Variants in NRXN1 observed in about 807,000 individuals in gnomAD.
NRXN1 encodes neurexin 1, also known as neurexin-1.
NRXN1 carries 39 observed loss-of-function variants against 150.9 expected under a neutral mutation model. The observed-to-expected ratio is 0.26, with a 90% CI of 0.20 to 0.34. The LOEUF is 0.34. NRXN1 is among the 10% of genes least tolerant of loss of function. The probability of loss-of-function intolerance (pLI) is 1.00; values close to 1 mark genes in which losing one functional copy is unlikely to be tolerated. For synonymous variants in NRXN1, 924 were observed against 757.0 expected, an observed-to-expected ratio of 1.22 and a Z score of -3.62; for missense variants, 1,815 against 1,949.9, an observed-to-expected ratio of 0.93 and a Z score of 1.30.
At position 50,347,865 on chromosome 2, in the gene NRXN1, A is replaced by G. The variant is rs2078157144; in HGVS notation, c.3365-110895T>C. The G allele has an allele frequency of 3.0e-6, 3 of 985,114 alleles. No homozygotes were observed. Among genetic ancestry groups the G allele is most frequent in the Non-Finnish European group, 3.6e-6 (3 of 829,642 alleles). The allele number at this position is 985,114 out of a possible 1,614,324, so 61.0% of individuals were successfully genotyped here. ...TGCAATGCAGAGGACGAGCCTATGT[A>G]ACGAGGGAGGCTGGTCTAGCTTCCC... On this transcript the variant is annotated intron_variant, in intron 17 of 22. Transcript: ENST00000401669. The surrounding 1 kb of genome is among the most constrained non-coding windows in gnomAD (Gnocchi z 4.9).
At chr2:50,990,410 TC>T (rs1439296298) in intron 2 of NRXN1, among the ~76,000 whole-genome samples, 2 of 152,076 alleles carry the variant, frequency 1.3e-5, no homozygotes, top group African/African-American at 2.4e-5. Flanking sequence ...AGCTTTTAGC[TC>T]ATTACACTTT....
At chr2:50,714,492 A>G (rs566214513) in intron 5 of NRXN1, among the ~76,000 whole-genome samples, 1 of 152,264 alleles carries the variant, frequency 6.6e-6, no homozygotes, top group East Asian at 1.9e-4. Flanking sequence ...ACTGAAAGAT[A>G]GTTTCTTCCC....
intron 2 of NRXN1, among the ~76,000 whole-genome samples, chr2:50,984,688 A>G (rs17573413): frequency 0.22 from 33,974 of 152,026 alleles, 4,152 homozygotes; most frequent in Non-Finnish European, 0.28. Context: ...TGAAAAGTAT[A>G]TTGCCCTGTA....
At chr2:50,972,256 A>C (rs1695121987) in intron 2 of NRXN1, among the ~76,000 whole-genome samples, 1 of 152,296 alleles carries the variant, frequency 6.6e-6, no homozygotes, top group Admixed American at 6.5e-5. Flanking sequence ...GCTAAATAAT[A>C]AAGAGGCCAT....
At chr2:50,969,727 C>A (rs1226990910) in intron 2 of NRXN1, among the ~76,000 whole-genome samples, 1 of 152,032 alleles carries the variant, frequency 6.6e-6, no homozygotes, top group East Asian at 1.9e-4. Context: ...ATATCTAGAT[C>A]AAAGCTTTGG....
intron 5 of NRXN1, among the ~76,000 whole-genome samples, chr2:50,858,985 G>A (rs1171877941): frequency 6.6e-6 from 1 of 152,028 alleles, no homozygotes; most frequent in Non-Finnish European, 1.5e-5. Flanking sequence ...TTCATTAACA[G>A]CCCGGCCTGT....
chr2:50,306,673 A>G (rs548990249), intron 17 of NRXN1, among the ~76,000 whole-genome samples: 1 of 152,284 alleles, frequency 6.6e-6, no homozygotes, highest in East Asian at 1.9e-4. Flanking sequence ...GCTCAGATTC[A>G]CATTTGATGC....
intron 5 of NRXN1, among the ~76,000 whole-genome samples, chr2:50,718,924 C>T (rs921873890): frequency 4.0e-5 from 6 of 151,782 alleles, no homozygotes; most frequent in African/African-American, 1.5e-4. Flanking sequence ...CATTTCAAAC[C>T]TCTGCTTTAG....
chr2:50,416,468 TA>T (rs1468611728), intron 17 of NRXN1, among the ~76,000 whole-genome samples: 1 of 152,146 alleles, frequency 6.6e-6, no homozygotes, highest in East Asian at 1.9e-4. Context: ...TCACTCACCA[TA>T]AAATTAATAA....
intron 19 of NRXN1, among the ~76,000 whole-genome samples, chr2:50,080,237 G>A (rs1001022825): frequency 2.0e-5 from 3 of 152,006 alleles, no homozygotes; most frequent in South Asian, 2.1e-4. Flanking sequence ...GGCCACATTC[G>A]CAGAACTTTT....
intron 2 of NRXN1, among the ~76,000 whole-genome samples, chr2:50,967,395 A>G (rs1575079466): frequency 6.6e-6 from 1 of 152,074 alleles, no homozygotes. Context: ...TCTCATCTGA[A>G]TTCTATGATC....
chr2:50,488,049 C>T (rs1233219028), intron 15 of NRXN1, among the ~76,000 whole-genome samples: 1 of 152,186 alleles, frequency 6.6e-6, no homozygotes, highest in Non-Finnish European at 1.5e-5. Context: ...TTGGGTATCA[C>T]CTAGCACCTA....
At chr2:50,518,213 A>C (rs915664929) in intron 12 of NRXN1, among the ~76,000 whole-genome samples, 1 of 152,118 alleles carries the variant, frequency 6.6e-6, no homozygotes, top group Non-Finnish European at 1.5e-5. Flanking sequence ...TTCTAGAAAA[A>C]ATGTTCTAAA....
chr2:50,600,302 T>C (rs1471069494), intron 8 of NRXN1, among the ~76,000 whole-genome samples: 2 of 148,996 alleles, frequency 1.3e-5, no homozygotes, highest in African/African-American at 2.5e-5. Context: ...AATTTCTAGG[T>C]AAAAGTAGTT....
chr2:50,214,496 G>C (rs1308246171), intron 18 of NRXN1, among the ~76,000 whole-genome samples: 1 of 151,858 alleles, frequency 6.6e-6, no homozygotes, highest in Non-Finnish European at 1.5e-5. Context: ...AGAGACTGAT[G>C]TCAACATTAG....
intron 8 of NRXN1, chr2:50,554,343 T>A (rs1405833701): frequency 6.6e-6 from 1 of 152,126 alleles, no homozygotes; most frequent in Non-Finnish European, 1.5e-5. Flanking sequence ...AAGAGATGGC[T>A]GATGAGTTTC....
At chr2:50,951,600 CA>C (rs956428259) in intron 2 of NRXN1, among the ~76,000 whole-genome samples, 9 of 150,082 alleles carry the variant, frequency 6.0e-5, no homozygotes, top group East Asian at 3.9e-4. Flanking sequence ...CTCACTATTT[CA>C]AAAAAAAATG....
chr2:50,439,036 G>A (rs565423146), intron 17 of NRXN1, among the ~76,000 whole-genome samples: 12 of 152,190 alleles, frequency 7.9e-5, no homozygotes, highest in Non-Finnish European at 1.5e-4. Context: ...CCTCACAGTC[G>A]GCAGGGGCCA....
At chr2:50,314,823 A>G (rs2152967707) in intron 17 of NRXN1, among the ~76,000 whole-genome samples, 2 of 152,102 alleles carry the variant, frequency 1.3e-5, no homozygotes, top group Middle Eastern at 3.4e-3. Flanking sequence ...GTTCACTTCT[A>G]TTGTGGCCTG....
Sources: allele counts gnomAD v4.1 joint callset (sites outside exome capture counted in the v4.1 genomes callset), GRCh38; gene constraint gnomAD v4.1.1; non-coding constraint Gnocchi (gnomAD v3.1); transcripts MANE v1.5; gene names NCBI Gene and HGNC (gene_info 2026-07-23, HGNC 2026-07-21).